The following JMJD1C variants were observed in gnomAD, a reference collection of about 807,000 sequenced individuals.
JMJD1C encodes the protein jumonji domain-containing protein 1C.
In JMJD1C, 31 loss-of-function variants were observed where a neutral mutation model predicts 245.3. The observed-to-expected ratio is 0.13, with a 90% CI of 0.09 to 0.17. JMJD1C has a LOEUF of 0.17. JMJD1C is among the 10% of genes least tolerant of loss of function. The pLI is 1.00. For missense variants in JMJD1C, 2,691 were observed against 3,000.2 expected (o/e 0.90, Z 2.41); for synonymous variants, 1,057 against 1,017.4 (o/e 1.04, Z -0.74).
At position 63,293,313 on chromosome 10, in the gene JMJD1C, A is replaced by G. The variant is rs1859000511; in HGVS notation, c.334-28549T>C. Among the ~76,000 whole-genome samples the G allele has an allele frequency of 2.0e-5, 3 of 152,128 alleles. No individual in the cohort carries two copies. In the South Asian group the frequency reaches 6.2e-4, roughly 31 times the overall value. On this transcript the variant is annotated intron_variant, in intron 2 of 25. Transcript: ENST00000399262. ...CCAGCAAATAAACCAACAAATACCT[A>G]GAGATAAGTAGTGTGTAGAACCAAA...
Position 63,386,463 on chromosome 10 carries a change from A to T in JMJD1C, c.169-5981T>A, listed in dbSNP as rs189760440. On this transcript the variant is annotated intron_variant, in intron 1 of 25. Coordinates refer to ENST00000399262, the MANE Select transcript of JMJD1C (RefSeq NM_032776.3). The stretch of plus-strand genomic sequence containing the variant: ...TTGACCACAGCCAGTGCCTGCACAA[A>T]CAATCAGGGAACCTGAGGACGGGTC... Among the ~76,000 whole-genome samples the T allele has an allele frequency of 2.2e-3, 330 of 152,314 alleles. 1 individual carries two copies. The highest frequency in any genetic ancestry group is 7.7e-3 in the African/African-American group (320 of 41,560).
chr10:63,257,151 C>T (rs1854059795), intron 3 of JMJD1C, among the ~76,000 whole-genome samples: 1 of 146,314 alleles, frequency 6.8e-6, no homozygotes, highest in Non-Finnish European at 1.5e-5. Flanking sequence ...GTGGGAGAAT[C>T]ACTTGAACCA....
intron 2 of JMJD1C, among the ~76,000 whole-genome samples, chr10:63,278,431 C>T (rs910674625): frequency 2.0e-5 from 3 of 151,788 alleles, no homozygotes; most frequent in African/African-American, 7.3e-5. Context: ...GAGGCTGAGG[C>T]AGGAATCGCT....
chr10:63,433,012 T>C (rs1184277648), intron 1 of JMJD1C, among the ~76,000 whole-genome samples: 5 of 152,166 alleles, frequency 3.3e-5, no homozygotes, highest in South Asian at 4.1e-4. Flanking sequence ...CAACCTACCA[T>C]AGGTTATAAA....
intron 13 of JMJD1C, among the ~76,000 whole-genome samples, chr10:63,197,210 T>C (rs1340901745): frequency 1.3e-5 from 2 of 152,158 alleles, no homozygotes; most frequent in Non-Finnish European, 2.9e-5. Context: ...ATGAGGCTGA[T>C]GGGTGTAGAT....
intron 3 of JMJD1C, among the ~76,000 whole-genome samples, chr10:63,260,661 C>T (rs1348903846): frequency 6.6e-6 from 1 of 152,052 alleles, no homozygotes; most frequent in African/African-American, 2.4e-5. Context: ...GCGGTCTCGG[C>T]TCACTGAAAC....
chr10:63,203,385 G>T, intron 10 of JMJD1C: 1 of 985,014 alleles, frequency 1.0e-6, no homozygotes, highest in Non-Finnish European at 1.2e-6. Flanking sequence ...TTCTCTAGTA[G>T]CAAATCCACA....
chr10:63,340,028 C>G (rs1201762759), intron 2 of JMJD1C, among the ~76,000 whole-genome samples: 1 of 151,580 alleles, frequency 6.6e-6, no homozygotes, highest in Non-Finnish European at 1.5e-5. Context: ...CCACTGCACT[C>G]CAGCCTGGGT....
chr10:63,462,617 A>C (rs1337760388), intron 1 of JMJD1C, among the ~76,000 whole-genome samples: 7 of 152,198 alleles, frequency 4.6e-5, no homozygotes, highest in African/African-American at 1.7e-4. Context: ...ATGGGGAAGC[A>C]GGAGAGTTAG....
chr10:63,308,645 C>T (rs1396724345), intron 2 of JMJD1C, among the ~76,000 whole-genome samples: 1 of 137,480 alleles, frequency 7.3e-6, no homozygotes, highest in African/African-American at 2.7e-5. Flanking sequence ...TAAAAGGAAA[C>T]TTAAGGAAAC....
chr10:63,206,109 C>T (rs1282655351), intron 10 of JMJD1C, among the ~76,000 whole-genome samples: 1 of 152,114 alleles, frequency 6.6e-6, no homozygotes, highest in Admixed American at 6.5e-5. Flanking sequence ...GGAACCAATC[C>T]CCCACAGGTA....
intron 2 of JMJD1C, among the ~76,000 whole-genome samples, chr10:63,301,005 A>G (rs982988074): frequency 6.6e-6 from 1 of 152,202 alleles, no homozygotes; most frequent in African/African-American, 2.4e-5. Context: ...CAGGAAGGGC[A>G]ATAAAAGAAA....
At chr10:63,317,769 C>T (rs1359888819) in intron 2 of JMJD1C, among the ~76,000 whole-genome samples, 3 of 152,126 alleles carry the variant, frequency 2.0e-5, no homozygotes, top group Non-Finnish European at 2.9e-5. Context: ...CAGTGTGCCC[C>T]GTCGCCCCCC....
At chr10:63,179,762 G>GGA (rs752946320) in intron 22 of JMJD1C, among the ~76,000 whole-genome samples, 95 of 146,280 alleles carry the variant, frequency 6.5e-4, no homozygotes, top group Non-Finnish European at 1.2e-3. Context: ...AACAGAGCAA[G>GGA]GAGACCCTAT....
chr10:63,206,557 C>T (rs932824263), intron 10 of JMJD1C, 38 bp downstream of exon 10: 5 of 1,481,478 alleles, frequency 3.4e-6, no homozygotes, highest in East Asian at 4.5e-5. Flanking sequence ...AAACATTCAG[C>T]CCATTTTACC....
chr10:63,178,653 A>G (rs1843090763), intron 22 of JMJD1C, among the ~76,000 whole-genome samples: 1 of 152,216 alleles, frequency 6.6e-6, no homozygotes. Context: ...GTGCTCTCAT[A>G]TTTGATAATG....
intron 1 of JMJD1C, among the ~76,000 whole-genome samples, chr10:63,419,437 A>C (rs1949991917): frequency 6.6e-6 from 1 of 152,144 alleles, no homozygotes; most frequent in Admixed American, 6.6e-5. Context: ...GGGGGTTTTA[A>C]GCCATGTACT....
At chr10:63,483,094 CTATA>C (rs1220524787) in intron 1 of JMJD1C, among the ~76,000 whole-genome samples, 3 of 152,058 alleles carry the variant, frequency 2.0e-5, no homozygotes, top group African/African-American at 7.2e-5. Context: ...TGTAAAGTAA[CTATA>C]TGTCAATCAA....
chr10:63,466,032 C>T (rs1046054634), upstream of JMJD1C: 19 of 226,982 alleles, frequency 8.4e-5, no homozygotes, highest in Non-Finnish European at 9.5e-5. Context: ...CTTCCGCCGG[C>T]GCGGGCGGGG....
Sources: gnomAD v4.1 joint callset for allele counts (sites outside exome capture counted in the v4.1 genomes callset) on GRCh38, gnomAD v4.1.1 for gene constraint, MANE v1.5 for transcripts, NCBI Gene and HGNC (gene_info 2026-07-23, HGNC 2026-07-21) for gene names.